The following NLGN1 variants were observed in gnomAD, a reference collection of about 807,000 sequenced individuals.
NLGN1 encodes the protein neuroligin-1.
NLGN1 carries 12 observed loss-of-function variants against 65.5 expected under a neutral mutation model. The observed-to-expected ratio is 0.18, with a 90% CI of 0.12 to 0.30. The LOEUF is 0.30. Among genes scored for constraint, NLGN1 ranks in the 10% least tolerant of loss-of-function variants. NLGN1 has a pLI of 1.00. For missense variants in NLGN1, 750 were observed against 1,007.1 expected (o/e 0.74, Z 3.46); for synonymous variants, 350 against 359.5 (o/e 0.97, Z 0.30).
chr3:173,467,253 T>A (rs1332443158), intron 2 of NLGN1, among the ~76,000 whole-genome samples: 1 of 152,090 alleles, frequency 6.6e-6, no homozygotes, highest in Non-Finnish European at 1.5e-5. Context: ...TACTATTTTG[T>A]CAAATATGTG....
chr3:173,802,844 CTTT>C (rs35414458), intron 3 of NLGN1, among the ~76,000 whole-genome samples: 1 of 142,468 alleles, frequency 7.0e-6, no homozygotes, highest in Non-Finnish European at 1.5e-5. Flanking sequence ...GAATGTATAT[CTTT>C]TTTTTTTTTT....
chr3:173,409,916 G>A (rs1183405037), intron 1 of NLGN1, among the ~76,000 whole-genome samples: 1 of 152,176 alleles, frequency 6.6e-6, no homozygotes, highest in African/African-American at 2.4e-5. Context: ...ATGTTTTAGG[G>A]ACCTGTAGGG....
intron 4 of NLGN1, among the ~76,000 whole-genome samples, chr3:174,172,656 G>A (rs1324823682): frequency 6.6e-6 from 1 of 151,986 alleles, no homozygotes; most frequent in Non-Finnish European, 1.5e-5. Flanking sequence ...TGGGTTCTCT[G>A]TTATTTTCTA....
At chr3:174,041,078 G>T (rs1313953136) in intron 4 of NLGN1, among the ~76,000 whole-genome samples, 1 of 151,994 alleles carries the variant, frequency 6.6e-6, no homozygotes, top group Non-Finnish European at 1.5e-5. Flanking sequence ...AAACATACCT[G>T]TGTAAGCCAA....
At chr3:173,584,058 G>A (rs1469655785) in intron 2 of NLGN1, among the ~76,000 whole-genome samples, 1 of 147,738 alleles carries the variant, frequency 6.8e-6, no homozygotes, top group Non-Finnish European at 1.5e-5. Context: ...TGCCATTGGG[G>A]AAATTTTTGT....
intron 1 of NLGN1, among the ~76,000 whole-genome samples, chr3:173,413,118 C>G (rs1416207296): frequency 6.6e-6 from 1 of 152,058 alleles, no homozygotes; most frequent in Admixed American, 6.6e-5. Context: ...CCCTCGCAGA[C>G]TGCCCATTCC....
chr3:173,515,932 A>G (rs1439501552), intron 2 of NLGN1, among the ~76,000 whole-genome samples: 1 of 151,970 alleles, frequency 6.6e-6, no homozygotes, highest in Non-Finnish European at 1.5e-5. Context: ...CCAGTAGCAC[A>G]CTATTTTGAG....
At chr3:174,230,408 G>A (rs988892751) in intron 4 of NLGN1, among the ~76,000 whole-genome samples, 2 of 152,086 alleles carry the variant, frequency 1.3e-5, no homozygotes, top group East Asian at 3.8e-4. Flanking sequence ...CCAGTGCCAA[G>A]AGTAATACAA....
chr3:174,112,137 A>G (rs1004892287), intron 4 of NLGN1, among the ~76,000 whole-genome samples: 12 of 151,946 alleles, frequency 7.9e-5, no homozygotes, highest in Non-Finnish European at 1.6e-4. Flanking sequence ...GCACTAGATT[A>G]TAAATTAGAA....
intron 2 of NLGN1, among the ~76,000 whole-genome samples, chr3:173,448,545 A>C (rs1222656385): frequency 2.0e-5 from 3 of 152,178 alleles, no homozygotes; most frequent in East Asian, 3.9e-4. Context: ...TGTCTCTGCC[A>C]GGCTTTGGTA....
intron 2 of NLGN1, among the ~76,000 whole-genome samples, chr3:173,589,755 G>A (rs1186481650): frequency 6.6e-6 from 1 of 152,106 alleles, no homozygotes; most frequent in Non-Finnish European, 1.5e-5. Flanking sequence ...ACCAATGTTT[G>A]TCATCAGTTT....
chr3:173,966,685 T>C (rs1157941021), intron 4 of NLGN1, among the ~76,000 whole-genome samples: 1 of 152,172 alleles, frequency 6.6e-6, no homozygotes, highest in Non-Finnish European at 1.5e-5. Flanking sequence ...GTATCCACCT[T>C]GATAGTCTGA....
At chr3:174,035,445 G>T (rs896910356) in intron 4 of NLGN1, among the ~76,000 whole-genome samples, 14 of 152,172 alleles carry the variant, frequency 9.2e-5, no homozygotes, top group African/African-American at 2.2e-4. Flanking sequence ...CCAGCCTGTT[G>T]TCATGTGTGG....
intron 3 of NLGN1, chr3:173,605,548 A>G (rs1323919801): frequency 7.8e-7 from 1 of 1,286,940 alleles, no homozygotes; most frequent in Non-Finnish European, 1.0e-6. Context: ...AAGAATATCC[A>G]AGGAATGTGC....
chr3:173,586,451 G>C (rs936217313), intron 2 of NLGN1, among the ~76,000 whole-genome samples: 1 of 152,056 alleles, frequency 6.6e-6, no homozygotes. Context: ...TAAAAGATTA[G>C]TCTAACCAAA....
chr3:174,147,317 A>G (rs1723469192), intron 4 of NLGN1, among the ~76,000 whole-genome samples: 1 of 151,964 alleles, frequency 6.6e-6, no homozygotes, highest in African/African-American at 2.4e-5. Flanking sequence ...GGTCTACCGA[A>G]CAAGAGCAAA....
At chr3:173,591,002 T>G (rs1055254004) in intron 2 of NLGN1, among the ~76,000 whole-genome samples, 2 of 152,164 alleles carry the variant, frequency 1.3e-5, no homozygotes, top group Non-Finnish European at 1.5e-5. Flanking sequence ...TTACTAAAAG[T>G]TATTTCAAAC....
intron 4 of NLGN1, among the ~76,000 whole-genome samples, chr3:174,026,914 T>C (rs901168628): frequency 4.6e-5 from 7 of 152,050 alleles, no homozygotes; most frequent in South Asian, 2.1e-4. Flanking sequence ...CATAATATAT[T>C]CATGTGATAA....
At chr3:174,043,277 A>G (rs1302148014) in intron 4 of NLGN1, among the ~76,000 whole-genome samples, 4 of 152,160 alleles carry the variant, frequency 2.6e-5, no homozygotes, top group East Asian at 1.9e-4. Context: ...GATCTCATGT[A>G]TGTCCTCACA....
Sources: allele counts gnomAD v4.1 joint callset (sites outside exome capture counted in the v4.1 genomes callset), GRCh38; gene constraint gnomAD v4.1.1; transcripts MANE v1.5; gene names NCBI Gene and HGNC (gene_info 2026-07-23, HGNC 2026-07-21).